Variants in CACNA1C observed in about 807,000 individuals in gnomAD.
CACNA1C encodes the protein calcium voltage-gated channel subunit alpha1 C.
A neutral mutation model predicts 229.0 loss-of-function variants in CACNA1C; 30 were observed. That is an observed-to-expected ratio of 0.13 (90% CI 0.10 to 0.18). CACNA1C has a LOEUF of 0.18. Among genes scored for constraint, CACNA1C ranks in the 10% least tolerant of loss-of-function variants. The pLI, the probability that CACNA1C is intolerant of heterozygous loss-of-function variation, is 1.00. For synonymous variants in CACNA1C, 1,114 were observed against 1,132.5 expected (o/e 0.98, Z 0.33); for missense variants, 1,658 against 2,845.0 (o/e 0.58, Z 9.49).
intron 3 of CACNA1C, among the ~76,000 whole-genome samples, chr12:2,368,892 A>T (rs895643328): frequency 6.6e-6 from 1 of 152,222 alleles, no homozygotes; most frequent in Non-Finnish European, 1.5e-5. Flanking sequence ...ACAGTGAGGA[A>T]AGGATAAGAG....
intron 3 of CACNA1C, among the ~76,000 whole-genome samples, chr12:2,141,712 C>T (rs1178138176): frequency 6.6e-6 from 1 of 151,404 alleles, no homozygotes; most frequent in Non-Finnish European, 1.5e-5. Flanking sequence ...GCGCCTCTGG[C>T]CCTGGGTAGA....
At chr12:2,167,072 C>A (rs1475958977) in intron 3 of CACNA1C, among the ~76,000 whole-genome samples, 1 of 152,188 alleles carries the variant, frequency 6.6e-6, no homozygotes, top group African/African-American at 2.4e-5. Context: ...ATTCATTCAA[C>A]CCACGTTTAT....
At chr12:2,225,351 G>A (rs1599725838) in intron 3 of CACNA1C, among the ~76,000 whole-genome samples, 1 of 152,162 alleles carries the variant, frequency 6.6e-6, no homozygotes, top group Admixed American at 6.5e-5. Context: ...TAATTCAAAT[G>A]TTATCTTTTA....
intron 3 of CACNA1C, among the ~76,000 whole-genome samples, chr12:2,169,903 A>G (rs2096405025): frequency 6.6e-6 from 1 of 152,126 alleles, no homozygotes; most frequent in Non-Finnish European, 1.5e-5. Context: ...CACATTACCT[A>G]CTTCTGGTGC....
chr12:2,194,787 A>T (rs2097352501), intron 3 of CACNA1C, among the ~76,000 whole-genome samples: 1 of 152,152 alleles, frequency 6.6e-6, no homozygotes, highest in African/African-American at 2.4e-5. Context: ...ACCTGAGGGG[A>T]GGAGTCACTG....
intron 3 of CACNA1C, among the ~76,000 whole-genome samples, chr12:2,328,389 G>T (rs1417991351): frequency 3.4e-5 from 5 of 146,468 alleles, no homozygotes; most frequent in African/African-American, 1.4e-4. Context: ...TAGCATTTTT[G>T]CCCCCTTCTT....
chr12:2,073,675 A>T (rs532625517), intron 1 of CACNA1C, among the ~76,000 whole-genome samples: 1 of 152,352 alleles, frequency 6.6e-6, no homozygotes, highest in East Asian at 1.9e-4. Flanking sequence ...CTTCCCTCTG[A>T]AGTATTTGCA....
intron 3 of CACNA1C, among the ~76,000 whole-genome samples, chr12:2,383,082 C>A (rs1257302483): frequency 6.6e-6 from 1 of 152,208 alleles, no homozygotes; most frequent in Non-Finnish European, 1.5e-5. Flanking sequence ...CATTAATGAA[C>A]TGTGTGATCC....
chr12:2,471,877 C>T (rs1009490231), intron 5 of CACNA1C, among the ~76,000 whole-genome samples: 1 of 152,192 alleles, frequency 6.6e-6, no homozygotes, highest in African/African-American at 2.4e-5. Flanking sequence ...GACGGGGTTT[C>T]ACCATCTTGG....
At chr12:2,006,288 A>T (rs968820974) in intron 1 of CACNA1C, among the ~76,000 whole-genome samples, 8 of 152,120 alleles carry the variant, frequency 5.3e-5, no homozygotes, top group African/African-American at 9.7e-5. Flanking sequence ...GGTACCTGTA[A>T]TCCCGGATAC....
At chr12:2,158,933 A>G (rs2095688291) in intron 3 of CACNA1C, among the ~76,000 whole-genome samples, 2 of 152,156 alleles carry the variant, frequency 1.3e-5, no homozygotes, top group African/African-American at 4.8e-5. Flanking sequence ...ACATTGATCT[A>G]AACTAAATCA....
intron 3 of CACNA1C, among the ~76,000 whole-genome samples, chr12:2,389,615 T>G (rs1281649541): frequency 6.6e-6 from 1 of 152,216 alleles, no homozygotes; most frequent in East Asian, 1.9e-4. Context: ...TGGCCAAGGC[T>G]TCCTGGACTG....
intron 3 of CACNA1C, among the ~76,000 whole-genome samples, chr12:2,397,959 G>C (rs1253618318): frequency 2.0e-5 from 3 of 152,216 alleles, no homozygotes; most frequent in African/African-American, 7.2e-5. Flanking sequence ...TGCCCCAAAG[G>C]GCTGGTCCAG....
chr12:2,228,830 G>C (rs1449696784), intron 3 of CACNA1C, among the ~76,000 whole-genome samples: 2 of 152,202 alleles, frequency 1.3e-5, no homozygotes, highest in Admixed American at 1.3e-4. Context: ...AGGTGCCAGG[G>C]AAAGAGGAGT....
At chr12:2,205,877 C>T (rs2097743975) in intron 3 of CACNA1C, among the ~76,000 whole-genome samples, 2 of 152,158 alleles carry the variant, frequency 1.3e-5, no homozygotes, top group Admixed American at 1.3e-4. Context: ...CTCACTGTGT[C>T]CTCATATAGT....
At chr12:2,635,800 G>A (rs2092513726) in intron 30 of CACNA1C, among the ~76,000 whole-genome samples, 1 of 152,090 alleles carries the variant, frequency 6.6e-6, no homozygotes, top group Non-Finnish European at 1.5e-5. Context: ...CGGTGTGTGT[G>A]TATGTGTATG....
chr12:2,109,485 T>C (rs2080758036), intron 1 of CACNA1C, among the ~76,000 whole-genome samples: 1 of 152,168 alleles, frequency 6.6e-6, no homozygotes, highest in East Asian at 1.9e-4. Flanking sequence ...GTCTGAGGCA[T>C]GAAATGAGCC....
In CACNA1C at chr12:2,653,025, G is replaced by A. The variant is rs778571482; in HGVS notation, c.4075-810G>A. ...GCACCCTCTAGTGACCGGTGGCCACGGCTGAAGCGGCGCCCGGGAACACGG... is the reference window on the plus strand; with the variant it reads ...GCACCCTCTAGTGACCGGTGGCCACAGCTGAAGCGGCGCCCGGGAACACGG... On this transcript the variant is annotated intron_variant, in intron 32 of 46. Transcript: ENST00000399655. This position sits in a 1 kb window ranked among gnomAD's most constrained non-coding sequence, Gnocchi z 4.7. 1.6e-4 allele frequency among the ~76,000 whole-genome samples: 25 copies of A among 152,216 alleles called. No homozygotes were observed. The highest frequency in any genetic ancestry group is 1.4e-3 in the Admixed American group (21 of 15,288).
intron 1 of CACNA1C, among the ~76,000 whole-genome samples, chr12:1,987,447 A>G (rs948162973): frequency 6.6e-6 from 1 of 152,246 alleles, no homozygotes; most frequent in African/African-American, 2.4e-5. Flanking sequence ...TAAAAATAAT[A>G]CATGTACATA....
Sources: allele counts gnomAD v4.1 joint callset (sites outside exome capture counted in the v4.1 genomes callset), GRCh38; gene constraint gnomAD v4.1.1; non-coding constraint Gnocchi (gnomAD v3.1); transcripts MANE v1.5; gene names NCBI Gene and HGNC (gene_info 2026-07-23, HGNC 2026-07-21).